DENND5B: variants seen among roughly 807,000 people sequenced by gnomAD.
DENND5B encodes DENN domain-containing protein 5B.
A neutral mutation model predicts 140.6 loss-of-function variants in DENND5B; 34 were observed. The observed-to-expected ratio is 0.24, with a 90% CI of 0.18 to 0.32. The LOEUF is 0.32. Among genes scored for constraint, DENND5B ranks in the 10% least tolerant of loss-of-function variants. DENND5B has a pLI of 1.00. For synonymous variants in DENND5B, 551 were observed against 562.1 expected (o/e 0.98, Z 0.28); for missense variants, 1,142 against 1,560.2 (o/e 0.73, Z 4.52).
intron 1 of DENND5B, among the ~76,000 whole-genome samples, chr12:31,514,603 A>G (rs914319822): frequency 5.9e-5 from 9 of 152,078 alleles, no homozygotes; most frequent in Non-Finnish European, 1.2e-4. Flanking sequence ...ATCACTTGAC[A>G]TTAGGAGTTT....
intron 2 of DENND5B, among the ~76,000 whole-genome samples, chr12:31,494,067 T>A (rs1418356565): frequency 6.6e-6 from 1 of 152,140 alleles, no homozygotes; most frequent in Non-Finnish European, 1.5e-5. Context: ...AGAAGAGCCC[T>A]TCCTAAATAA....
intron 1 of DENND5B, among the ~76,000 whole-genome samples, chr12:31,562,137 G>C (rs2139334135): frequency 6.6e-6 from 1 of 152,166 alleles, no homozygotes; most frequent in Admixed American, 6.5e-5. Flanking sequence ...TTTCCCTCAA[G>C]TAGCTTCAAG....
chr12:31,494,988 A>T (rs962456092), intron 2 of DENND5B, among the ~76,000 whole-genome samples: 1 of 152,154 alleles, frequency 6.6e-6, no homozygotes, highest in Admixed American at 6.5e-5. Flanking sequence ...TTTTTGTTCC[A>T]GACACCAAGA....
intron 1 of DENND5B, among the ~76,000 whole-genome samples, chr12:31,554,004 T>C (rs1220957130): frequency 6.6e-6 from 1 of 152,208 alleles, no homozygotes; most frequent in Non-Finnish European, 1.5e-5. Context: ...TGATGGGTCT[T>C]GACTCTTTAT....
At position 31,413,568 on chromosome 12, in the gene DENND5B, A is replaced by C; in HGVS notation, c.2553-4T>G. The stretch of plus-strand genomic sequence containing the variant: ...CTCACTCATGTTTTGAATATGCCTA[A>C]AGAATAGTGGCAACAGCAAAGATGT... On this transcript the variant is annotated splice_region_variant and splice_polypyrimidine_tract_variant and intron_variant, in intron 12 of 20. Transcript: ENST00000389082. 6.2e-7 allele frequency: 1 copy of C among 1,609,276 alleles called. No homozygotes were observed. The highest frequency in any genetic ancestry group is 8.5e-7 in the Non-Finnish European group (1 of 1,177,066).
At chr12:31,574,041 T>C (rs1344741115) in intron 1 of DENND5B, among the ~76,000 whole-genome samples, 1 of 151,160 alleles carries the variant, frequency 6.6e-6, no homozygotes, top group Non-Finnish European at 1.5e-5. Context: ...AAGAACCATT[T>C]GAGGCAAGGA....
chr12:31,451,644 T>C (rs1944531510), intron 5 of DENND5B: 3 of 333,474 alleles, frequency 9.0e-6, no homozygotes, highest in Non-Finnish European at 1.7e-5. Flanking sequence ...AATTTAAGCA[T>C]CTTTAAGGTA....
intron 1 of DENND5B, among the ~76,000 whole-genome samples, chr12:31,584,178 TAGC>T (rs1223127314): frequency 1.3e-5 from 2 of 152,206 alleles, no homozygotes; most frequent in African/African-American, 4.8e-5. Flanking sequence ...CTTAACACCT[TAGC>T]AGCAAACAGA....
chr12:31,424,597 A>G lies in DENND5B; in HGVS notation c.2329T>C (p.Leu777=). Residue 777 remains leucine, a synonymous_variant, in exon 10 of 21, where the codon TTG becomes CTG. Coordinates refer to ENST00000389082, the MANE Select transcript of DENND5B (RefSeq NM_144973.4). ...ANITGLEENT[L]IASLCDLLER... ...AGCAGGTCACAAAGGCTGGCGATCA[A>G]GGTGTTCTCCTCCAGGCCGGTGATG... 1 of 1,613,938 alleles carries G rather than the reference A, an allele frequency of 6.2e-7. No individual in the cohort carries two copies. The highest frequency in any genetic ancestry group is 2.2e-5 in the East Asian group (1 of 44,866).
chr12:31,416,420 C>T (rs1412101803), intron 11 of DENND5B, among the ~76,000 whole-genome samples: 3 of 151,930 alleles, frequency 2.0e-5, no homozygotes, highest in East Asian at 1.9e-4. Flanking sequence ...TGCGCCACCA[C>T]GCCCAGCTAA....
In DENND5B at chr12:31,578,478, A is replaced by G. The variant is rs1950100867; in HGVS notation, c.127+12228T>C. ...AGCTCATCAGTAACGGTAGCTTACC[A>G]GTAGCATAAAATAGATTTCCCATTA... On this transcript the variant is annotated intron_variant, in intron 1 of 20. Transcript: ENST00000389082. Among the ~76,000 whole-genome samples, 3 of 152,358 alleles carry G rather than the reference A, an allele frequency of 2.0e-5. No individual in the cohort carries two copies. In the South Asian group the frequency reaches 6.2e-4, roughly 32 times the overall value.
At chr12:31,556,809 A>G (rs1949301401) in intron 1 of DENND5B, among the ~76,000 whole-genome samples, 1 of 152,228 alleles carries the variant, frequency 6.6e-6, no homozygotes, top group African/African-American at 2.4e-5. Flanking sequence ...TCCTTCAAGA[A>G]TACTAGCAGA....
chr12:31,529,166 A>C (rs1948195288), intron 1 of DENND5B, among the ~76,000 whole-genome samples: 1 of 151,078 alleles, frequency 6.6e-6, no homozygotes, highest in South Asian at 2.1e-4. Flanking sequence ...CTGTCTCAAA[A>C]AAAAAAAAAA....
chr12:31,475,026 A>T (rs1238605713), intron 3 of DENND5B, among the ~76,000 whole-genome samples: 2 of 152,050 alleles, frequency 1.3e-5, no homozygotes, highest in African/African-American at 2.4e-5. Flanking sequence ...GACTGATGAA[A>T]CCCAATTCTT....
chr12:31,463,972 C>T (rs937392418), intron 3 of DENND5B, among the ~76,000 whole-genome samples: 30 of 152,188 alleles, frequency 2.0e-4, no homozygotes, highest in South Asian at 6.2e-4. Context: ...CCAGCCCACA[C>T]GCTTTTTAAT....
intron 8 of DENND5B, among the ~76,000 whole-genome samples, chr12:31,431,102 A>T (rs1009250377): frequency 6.6e-5 from 10 of 152,340 alleles, no homozygotes; most frequent in African/African-American, 2.2e-4. Flanking sequence ...GTAACCCCAG[A>T]TTTCTTCTGA....
At chr12:31,481,296 C>T (rs576426998) in intron 2 of DENND5B, among the ~76,000 whole-genome samples, 2 of 152,220 alleles carry the variant, frequency 1.3e-5, no homozygotes, top group South Asian at 2.1e-4. Context: ...TCATTCAAAC[C>T]GTCAAAAAAC....
intron 1 of DENND5B, among the ~76,000 whole-genome samples, chr12:31,555,913 A>G (rs1024316518): frequency 7.9e-5 from 12 of 152,166 alleles, no homozygotes; most frequent in Non-Finnish European, 4.4e-5. Flanking sequence ...GAAAAGCACA[A>G]TATTAGGGTG....
At chr12:31,430,910 CA>C (rs1300336230) in intron 8 of DENND5B, among the ~76,000 whole-genome samples, 1 of 152,154 alleles carries the variant, frequency 6.6e-6, no homozygotes, top group African/African-American at 2.4e-5. Context: ...CAGGGGGCGG[CA>C]AAAGGCCTCT....
Sources: allele counts gnomAD v4.1 joint callset (sites outside exome capture counted in the v4.1 genomes callset), GRCh38; gene constraint gnomAD v4.1.1; transcripts MANE v1.5; gene names NCBI Gene and HGNC (gene_info 2026-07-23, HGNC 2026-07-21).